Variants in ACACA observed in about 807,000 individuals in gnomAD.
ACACA encodes the protein acetyl-CoA carboxylase alpha, also known as acetyl-CoA carboxylase 1.
ACACA carries 103 observed loss-of-function variants against 296.1 expected under a neutral mutation model. The observed-to-expected ratio is 0.35, with a 90% CI of 0.30 to 0.41. The LOEUF (loss-of-function observed/expected upper bound fraction) is 0.41. Among genes scored for constraint, ACACA ranks in the 10% least tolerant of loss-of-function variants. The probability of loss-of-function intolerance (pLI) is 1.00; values close to 1 mark genes in which losing one functional copy is unlikely to be tolerated. For synonymous variants in ACACA, 953 were observed against 1,038.6 expected (o/e 0.92, Z 1.58); for missense variants, 1,554 against 2,989.7 (o/e 0.52, Z 11.20).
At chr17:37,259,705 C>G (rs2081360055) in intron 11 of ACACA, among the ~76,000 whole-genome samples, 175 bp from the exon 12 acceptor site, 1 of 151,990 alleles carries the variant, frequency 6.6e-6, no homozygotes, top group African/African-American at 2.4e-5. Context: ...ATGAAAAACT[C>G]AATGAAAAAT....
intron 11 of ACACA, among the ~76,000 whole-genome samples, chr17:37,262,801 C>T (rs2081574389): frequency 6.6e-6 from 1 of 152,134 alleles, no homozygotes; most frequent in Admixed American, 6.5e-5. Context: ...ATGATCAAGG[C>T]TCACTGCAGC....
chr17:37,089,511 C>CTAAAG (rs1250420377), intron 54 of ACACA, among the ~76,000 whole-genome samples: 3 of 152,172 alleles, frequency 2.0e-5, no homozygotes, highest in Admixed American at 6.5e-5. Flanking sequence ...GACACAATGC[C>CTAAAG]TAAAGTATAA....
intron 3 of ACACA, among the ~76,000 whole-genome samples, chr17:37,308,455 C>T (rs1401350551): frequency 6.6e-6 from 1 of 151,776 alleles, no homozygotes; most frequent in Non-Finnish European, 1.5e-5. Context: ...GGAATGAGGA[C>T]AAGGGAATCA....
At chr17:37,378,260 A>C (rs900334655) in intron 1 of ACACA, among the ~76,000 whole-genome samples, 1 of 152,214 alleles carries the variant, frequency 6.6e-6, no homozygotes, top group African/African-American at 2.4e-5. Context: ...TACTGCTGTC[A>C]CCAACCTTCA....
At chr17:37,196,787 A>C (rs1370552572) in intron 35 of ACACA, among the ~76,000 whole-genome samples, 1 of 152,214 alleles carries the variant, frequency 6.6e-6, no homozygotes, top group Non-Finnish European at 1.5e-5. Flanking sequence ...CAGAAATTCA[A>C]GAAGCCTCTT....
At position 37,129,377 on chromosome 17, in the gene ACACA, G is replaced by A. The variant is rs1010211195; in HGVS notation, c.5932C>T (p.Arg1978Cys). The A allele has an allele frequency of 5.0e-6, 8 of 1,613,898 alleles. No homozygotes were observed. The highest frequency in any genetic ancestry group is 2.7e-5 in the African/African-American group (2 of 74,854). Residue 1978 changes from arginine to cysteine, a missense_variant, in exon 47 of 56, where the codon CGT (arginine) becomes TGT (cysteine). By Grantham distance (180) the Arg-to-Cys change is radical. This residue lies in a region of ACACA where 553 missense variants were observed against 1,043.6 expected (regional missense o/e 0.53). Transcript: ENST00000616317. ...PYDPRWMLAG[R>C]PHPTQKGQWL... ...AACATATACATACTTGGGTGAGGAC[G>A]GCCTGCTAGCATCCATCGAGGATCG...
chr17:37,264,016 A>G, intron 10 of ACACA, 122 bp from the exon 11 acceptor site: 1 of 762,124 alleles, frequency 1.3e-6, no homozygotes. Context: ...CATGTTAATC[A>G]GCAGAAATAC....
chr17:37,315,846 A>G (rs1255749809), intron 3 of ACACA, among the ~76,000 whole-genome samples: 2 of 152,196 alleles, frequency 1.3e-5, no homozygotes, highest in Non-Finnish European at 2.9e-5. Flanking sequence ...TTCATTAAGT[A>G]GGCATGGCTG....
intron 3 of ACACA, among the ~76,000 whole-genome samples, chr17:37,309,927 C>A (rs1243308778): frequency 2.0e-5 from 3 of 151,856 alleles, no homozygotes; most frequent in Non-Finnish European, 4.4e-5. Context: ...GTGGCATGCA[C>A]CTATTGACCC....
At position 37,125,919 on chromosome 17, in the gene ACACA, T is replaced by C. The variant is rs2074761523; in HGVS notation, c.5945-125A>G. ...GGGAGTTTGTTGTTTTTAACCAAAT[T>C]ATAATAGATGGAAGCATTAGGCAGC... On this transcript the variant is annotated intron_variant, in intron 47 of 55. Coordinates refer to ENST00000616317, the MANE Select transcript of ACACA (RefSeq NM_198834.3). 3 of 788,226 alleles carry C rather than the reference T, an allele frequency of 3.8e-6. No homozygotes were observed. In the South Asian group the frequency reaches 4.4e-5, roughly 12 times the overall value. The allele number at this position is 788,226 out of a possible 1,614,324, so 48.8% of individuals were successfully genotyped here. A position where few individuals can be genotyped will look rare whatever the true frequency, so the allele number is the denominator to read the frequency against.
chr17:37,149,840 T>A, intron 45 of ACACA, 24 bp downstream of exon 45: 1 of 1,595,366 alleles, frequency 6.3e-7, no homozygotes, highest in Non-Finnish European at 8.6e-7. Context: ...CTATGCATAC[T>A]TCTTCAAAAC....
At chr17:37,104,357 T>C (rs1345091751) in intron 52 of ACACA, among the ~76,000 whole-genome samples, 3 of 152,228 alleles carry the variant, frequency 2.0e-5, no homozygotes, top group Non-Finnish European at 4.4e-5. Flanking sequence ...GCTAACACTA[T>C]TGAGATGTTA....
At chr17:37,117,286 A>T (rs1448754509) in intron 50 of ACACA, among the ~76,000 whole-genome samples, 1 of 152,268 alleles carries the variant, frequency 6.6e-6, no homozygotes, top group Admixed American at 6.5e-5. Context: ...TCCTTAGTTC[A>T]TTATGATCGG....
chr17:37,351,403 C>T (rs1381554922), intron 1 of ACACA, among the ~76,000 whole-genome samples: 1 of 152,176 alleles, frequency 6.6e-6, no homozygotes, highest in African/African-American at 2.4e-5. Context: ...GCAGAGGTTG[C>T]AGTGAGTCAA....
chr17:37,246,881 T>C lies in ACACA; in HGVS notation c.2405A>G (p.Tyr802Cys), dbSNP rs1373585066. Residue 802 changes from tyrosine to cysteine, a missense_variant, in exon 19 of 56, where the codon TAC becomes TGC. Tyr to Cys is a radical substitution (Grantham distance 194, BLOSUM62 -2). This residue lies in a region of ACACA where 316 missense variants were observed against 540.9 expected (regional missense o/e 0.58). Transcript: ENST00000616317. ...RSPSAGKLIQ[Y>C]IVEDGGHVFA... Reference sequence around the variant, plus strand: ...CACATGACCTCCATCTTCTACAATGTACTGGATTAACTTCCCAGCAGAAGG... The same window carrying C: ...CACATGACCTCCATCTTCTACAATGCACTGGATTAACTTCCCAGCAGAAGG... 3 of 1,614,040 alleles carry C rather than the reference T, an allele frequency of 1.9e-6. No individual in the cohort carries two copies. The highest frequency in any genetic ancestry group is 2.5e-6 in the Non-Finnish European group (3 of 1,180,046).
chr17:37,266,778 A>C lies in ACACA; in HGVS notation c.1120-2884T>G, dbSNP rs375774724. ...ACTAGAAGCACTCCACAGATACTTTAAACACTTGTAGAGAGCTCCTTAACC... is the reference window on the plus strand; with the variant it reads ...ACTAGAAGCACTCCACAGATACTTTCAACACTTGTAGAGAGCTCCTTAACC... On this transcript the variant is annotated intron_variant, in intron 10 of 55. Coordinates refer to ENST00000616317, the MANE Select transcript of ACACA (RefSeq NM_198834.3). Among the ~76,000 whole-genome samples the C allele has an allele frequency of 2.0e-5, 3 of 152,208 alleles. No homozygotes were observed. The South Asian group carries it at 6.2e-4, about 32-fold the overall frequency.
chr17:37,272,403 T>C (rs943463181), intron 9 of ACACA, among the ~76,000 whole-genome samples: 7 of 152,170 alleles, frequency 4.6e-5, no homozygotes, highest in Non-Finnish European at 7.4e-5. Flanking sequence ...TTAATCTATG[T>C]CAATCGATTA....
intron 1 of ACACA, among the ~76,000 whole-genome samples, chr17:37,380,513 T>A (rs949896782): frequency 2.6e-5 from 4 of 152,142 alleles, no homozygotes; most frequent in African/African-American, 7.2e-5. Context: ...ATCTCTAAGA[T>A]CCCTTCTAGC....
intron 11 of ACACA, among the ~76,000 whole-genome samples, chr17:37,260,089 C>G (rs1251610921): frequency 1.0e-4 from 15 of 149,954 alleles, no homozygotes; most frequent in African/African-American, 3.7e-4. Context: ...CCCATGTTGG[C>G]CAGCCTGGTC....
Sources: gnomAD v4.1 joint callset for allele counts (sites outside exome capture counted in the v4.1 genomes callset) on GRCh38, gnomAD v4.1.1 for gene constraint, gnomAD v4.1.1 regional missense constraint, MANE v1.5 for transcripts, NCBI Gene and HGNC (gene_info 2026-07-23, HGNC 2026-07-21) for gene names.